The following ANO1 variants were observed in gnomAD, a reference collection of about 807,000 sequenced individuals.
ANO1 encodes anoctamin 1.
Under a neutral mutation model 124.0 loss-of-function variants are expected in ANO1, and 59 were observed. The observed-to-expected ratio is 0.48, with a 90% CI of 0.39 to 0.59. The LOEUF is 0.59. Among genes scored for constraint, ANO1 ranks in the 20% least tolerant of loss-of-function variants. The pLI is 0.00. For missense variants in ANO1, 1,059 were observed against 1,328.0 expected, an observed-to-expected ratio of 0.80 and a Z score of 3.15; for synonymous variants, 529 against 532.0, an observed-to-expected ratio of 0.99 and a Z score of 0.08.
rs1222326577 is a variant in ANO1, at chr11:70,138,174, G to A, written c.1258+6095G>A. On this transcript the variant is annotated intron_variant, in intron 11 of 25. Transcript: ENST00000355303. ...AGTCAGGCCAACATGGTGAAACCCCGTCTCTACTAAAAATACAAAGATTAG... is the reference window on the plus strand; with the variant it reads ...AGTCAGGCCAACATGGTGAAACCCCATCTCTACTAAAAATACAAAGATTAG... 4.1e-5 allele frequency among the ~76,000 whole-genome samples: 6 copies of A among 146,370 alleles called. 2 individuals carry two copies. The highest frequency in any genetic ancestry group is 7.3e-5 in the African/African-American group (3 of 41,076).
At chr11:70,178,579 T>G (rs1366961446) in intron 22 of ANO1, among the ~76,000 whole-genome samples, 1 of 151,972 alleles carries the variant, frequency 6.6e-6, no homozygotes, top group African/African-American at 2.4e-5. Context: ...TTTTTTTTTT[T>G]TTGAGACAGA....
At chr11:70,121,329 TCCCTGTCTTCCTC>T (rs2046256087) in intron 8 of ANO1, among the ~76,000 whole-genome samples, 1 of 151,280 alleles carries the variant, frequency 6.6e-6, no homozygotes, top group African/African-American at 2.4e-5. Context: ...TCTGCCTCTC[TCCCTGTCTTCCTC>T]CCCCACCTCT....
intron 14 of ANO1, among the ~76,000 whole-genome samples, chr11:70,154,365 T>A (rs2047720395): frequency 6.6e-6 from 1 of 151,376 alleles, no homozygotes; most frequent in Admixed American, 6.6e-5. Context: ...GTAAAGTGGG[T>A]GCTCTAGAAA....
chr11:69,999,031 C>CAA (rs141040946), intron 1 of ANO1, among the ~76,000 whole-genome samples: 5 of 128,184 alleles, frequency 3.9e-5, no homozygotes, highest in African/African-American at 9.3e-5. Flanking sequence ...GAGACTGTCT[C>CAA]AAAAAAAAAA....
intron 3 of ANO1, 34 bp downstream of exon 3, chr11:70,103,198 G>C: frequency 6.4e-7 from 1 of 1,558,252 alleles, no homozygotes; most frequent in African/African-American, 1.4e-5. Flanking sequence ...GAAATGAATC[G>C]CCAAGTCTAG....
chr11:70,020,729 G>T (rs555966259), intron 1 of ANO1, among the ~76,000 whole-genome samples: 6 of 152,314 alleles, frequency 3.9e-5, no homozygotes, highest in African/African-American at 1.4e-4. Context: ...CAGAGTGCTG[G>T]GTGTGGGTGC....
At chr11:70,020,680 C>G (rs1031616576) in intron 1 of ANO1, among the ~76,000 whole-genome samples, 1 of 152,212 alleles carries the variant, frequency 6.6e-6, no homozygotes, top group Admixed American at 6.5e-5. Context: ...CAGAGTCCAT[C>G]TCGACAGCCT....
At chr11:70,083,835 T>C (rs2044274593) in intron 1 of ANO1, among the ~76,000 whole-genome samples, 1 of 152,082 alleles carries the variant, frequency 6.6e-6, no homozygotes, top group Non-Finnish European at 1.5e-5. Flanking sequence ...CCATCCAGCT[T>C]TGGGGCTAAT....
intron 13 of ANO1, 71 bp downstream of exon 13, chr11:70,152,532 C>T (rs1305080847): frequency 1.3e-6 from 2 of 1,542,860 alleles, no homozygotes; most frequent in Non-Finnish European, 1.8e-6. Flanking sequence ...TTCTCTTGCA[C>T]CTAATCTCTT....
chr11:70,172,118 T>TCAAAAAAA (rs2048495323), intron 22 of ANO1, among the ~76,000 whole-genome samples: 2 of 69,942 alleles, frequency 2.9e-5, no homozygotes, highest in Non-Finnish European at 5.9e-5. Context: ...AGAACCTGTC[T>TCAAAAAAA]TAAAAAAAAA....
chr11:70,181,303 C>T (rs758876604), intron 23 of ANO1, among the ~76,000 whole-genome samples: 7 of 152,180 alleles, frequency 4.6e-5, no homozygotes, highest in African/African-American at 7.2e-5. Flanking sequence ...TCAGCAGGCC[C>T]TGGGACTCAG....
chr11:70,024,240 C>G lies in ANO1; in HGVS notation c.58+38074C>G, dbSNP rs576251952. Among the ~76,000 whole-genome samples the G allele has an allele frequency of 2.1e-3, 327 of 152,298 alleles. 1 individual carries two copies. Among genetic ancestry groups the G allele is most frequent in the Admixed American group, 8.6e-3 (132 of 15,304 alleles). ...TCCTGCCTGAGGTCTTTGACCCTCC[C>G]TAAATGAGTCGCAATGGCCTGGGGG... On this transcript the variant is annotated intron_variant, in intron 1 of 27. Transcript: ENST00000531349.
At chr11:70,025,340 C>G (rs1856873933) in intron 1 of ANO1, among the ~76,000 whole-genome samples, 1 of 152,190 alleles carries the variant, frequency 6.6e-6, no homozygotes, top group Admixed American at 6.5e-5. Flanking sequence ...CTGCTGCAAT[C>G]ATGATCATGA....
intron 22 of ANO1, among the ~76,000 whole-genome samples, chr11:70,174,475 G>C (rs117728542): frequency 2.0e-5 from 3 of 152,156 alleles, no homozygotes; most frequent in African/African-American, 7.2e-5. Flanking sequence ...CACCATGGCC[G>C]TCTTTGCACA....
intron 1 of ANO1, among the ~76,000 whole-genome samples, chr11:70,030,008 T>C (rs1289508036): frequency 1.3e-5 from 2 of 152,218 alleles, no homozygotes; most frequent in African/African-American, 2.4e-5. Context: ...CTGGCACAGC[T>C]TTTTGGAGGG....
At chr11:70,085,671 G>A (rs2044345935) in intron 1 of ANO1, 7 of 1,477,126 alleles carry the variant, frequency 4.7e-6, no homozygotes, top group Middle Eastern at 3.5e-4. Context: ...CCTATGAAAG[G>A]TGGGGCAGCC....
chr11:69,981,979 A>T (rs1244578357), upstream of ANO1, among the ~76,000 whole-genome samples: 1 of 152,224 alleles, frequency 6.6e-6, no homozygotes, highest in Non-Finnish European at 1.5e-5. Context: ...TCCAGAATGG[A>T]TAAATCCATA....
intron 1 of ANO1, among the ~76,000 whole-genome samples, chr11:70,071,420 C>T: frequency 6.6e-6 from 1 of 152,054 alleles, no homozygotes; most frequent in East Asian, 1.9e-4. Flanking sequence ...AAATAAAAGC[C>T]ATCCAATATA....
At chr11:70,130,443 A>G (rs1338891724) in intron 10 of ANO1, among the ~76,000 whole-genome samples, 1 of 152,106 alleles carries the variant, frequency 6.6e-6, no homozygotes, top group African/African-American at 2.4e-5. Context: ...CCAGGATTCC[A>G]TTCCCACTCT....
Sources: allele counts gnomAD v4.1 joint callset (sites outside exome capture counted in the v4.1 genomes callset), GRCh38; gene constraint gnomAD v4.1.1; transcripts MANE v1.5; gene names NCBI Gene and HGNC (gene_info 2026-07-23, HGNC 2026-07-21).